Variants in CENPE observed in about 807,000 individuals in gnomAD.
The protein encoded by CENPE is centromere-associated protein E.
In CENPE, 145 loss-of-function variants were observed where a neutral mutation model predicts 336.1. The observed-to-expected ratio is 0.43, with a 90% confidence interval of 0.38 to 0.50. The LOEUF (loss-of-function observed/expected upper bound fraction) is 0.50. Ranked by LOEUF, CENPE falls within the 20% of genes least tolerant of loss-of-function variation. The pLI is 0.00. For synonymous variants in CENPE, 1,013 were observed against 984.8 expected, an observed-to-expected ratio of 1.03 and a Z score of -0.54; for missense variants, 2,719 against 3,023.3, an observed-to-expected ratio of 0.90 and a Z score of 2.36.
At position 103,152,999 on chromosome 4, in the gene CENPE, C is replaced by A. The variant is rs374416536; in HGVS notation, c.3237+48G>T. On this transcript the variant is annotated intron_variant, in intron 25 of 48. Transcript: ENST00000265148. ...CAATAAAGTTGATAAAAATCTGAAA[C>A]AAATGAAGACAAAAAGGTAATGCCA... 5.7e-5 allele frequency: 77 copies of A among 1,347,530 alleles called. No homozygotes were observed. In the African/African-American group the frequency reaches 9.9e-4, roughly 17 times the overall value. The allele number at this position is 1,347,530 out of a possible 1,614,324, so 83.5% of individuals were successfully genotyped here. A position where few individuals can be genotyped will look rare whatever the true frequency, so the allele number is the denominator to read the frequency against.
chr4:103,153,917 T>G (rs1344589954), intron 24 of CENPE, among the ~76,000 whole-genome samples: 3 of 152,122 alleles, frequency 2.0e-5, no homozygotes, highest in Non-Finnish European at 4.4e-5. Context: ...TTCATAAGGG[T>G]GAAATTCATC....
Position 103,133,621 on chromosome 4 carries a change from G to T in CENPE, c.6720+74C>A. 1 of 954,638 alleles carries T rather than the reference G, an allele frequency of 1.0e-6. No individual in the cohort carries two copies. The highest frequency in any genetic ancestry group is 1.6e-6 in the Non-Finnish European group (1 of 624,992). 59.1% of individuals were successfully genotyped at this position (954,638 alleles called of 1,614,324 possible). On this transcript the variant is annotated intron_variant, in intron 41 of 48. Transcript: ENST00000265148. ...TTCTGGTAAATGAAAATAGCTCTAA[G>T]CACATGAAAAAGTACCTTTCTACTT...
chr4:103,168,625 G>A (rs543196646), intron 16 of CENPE, among the ~76,000 whole-genome samples: 8 of 152,286 alleles, frequency 5.3e-5, no homozygotes, highest in African/African-American at 1.4e-4. Context: ...TTACCCAGCC[G>A]GGGTCCTACC....
chr4:103,147,271 A>C, intron 29 of CENPE, 85 bp downstream of exon 29: 3 of 1,194,614 alleles, frequency 2.5e-6, no homozygotes, highest in East Asian at 4.7e-5. Context: ...CATAATTATA[A>C]TACAAACATT....
chr4:103,128,256 C>T (rs72665056), intron 42 of CENPE, among the ~76,000 whole-genome samples: 27,399 of 151,976 alleles, frequency 0.18, 2,581 homozygotes, highest in Middle Eastern at 0.31. Context: ...AACAAAAACG[C>T]ATTAAAATAC....
At chr4:103,124,738 G>T (rs1750943319) in intron 42 of CENPE, among the ~76,000 whole-genome samples, 1 of 152,110 alleles carries the variant, frequency 6.6e-6, no homozygotes, top group Non-Finnish European at 1.5e-5. Flanking sequence ...CTCTCATCAT[G>T]AATGCCCCAT....
At chr4:103,167,987 G>A (rs1755064861) in intron 16 of CENPE, among the ~76,000 whole-genome samples, 1 of 152,132 alleles carries the variant, frequency 6.6e-6, no homozygotes, top group South Asian at 2.1e-4. Context: ...AGTACTGCTT[G>A]CACAAGGACC....
intron 8 of CENPE, among the ~76,000 whole-genome samples, chr4:103,188,492 T>A (rs537623548): frequency 1.6e-4 from 25 of 152,192 alleles, no homozygotes; most frequent in African/African-American, 5.5e-4. Context: ...AGAAACTCAC[T>A]CAAAACCGCT....
Position 103,144,466 on chromosome 4 carries a change from C to T in CENPE, c.5010G>A (p.Leu1670=). 1 of 1,614,096 alleles carries T rather than the reference C, an allele frequency of 6.2e-7. No homozygotes were observed. The highest frequency in any genetic ancestry group is 1.3e-5 in the African/African-American group (1 of 75,044). Residue 1670 remains leucine (L), a synonymous_variant, in exon 33 of 49, where the codon TTG becomes TTA. Coordinates refer to ENST00000265148, the MANE Select transcript of CENPE (RefSeq NM_001813.3). Reference sequence around the variant, plus strand: ...CAAGGTTTTCATGTAGTATCTGAGTCAACCTTATATTCTCCGTTTCTATGT... The same window carrying T: ...CAAGGTTTTCATGTAGTATCTGAGTTAACCTTATATTCTCCGTTTCTATGT... ...LENIETENIR[L]TQILHENLEE...
intron 34 of CENPE, among the ~76,000 whole-genome samples, chr4:103,142,441 A>C (rs1476577502): frequency 1.3e-5 from 2 of 152,242 alleles, no homozygotes; most frequent in Non-Finnish European, 2.9e-5. Flanking sequence ...AACACAATAC[A>C]TTGAATTGCC....
chr4:103,131,650 T>C (rs1263592244), intron 42 of CENPE, among the ~76,000 whole-genome samples: 2 of 152,206 alleles, frequency 1.3e-5, no homozygotes, highest in African/African-American at 4.8e-5. Context: ...AAAAGATACA[T>C]ATGTATGTTT....
intron 11 of CENPE, 126 bp downstream of exon 11, chr4:103,182,636 G>T: frequency 1.5e-6 from 1 of 686,688 alleles, no homozygotes; most frequent in Non-Finnish European, 2.2e-6. Flanking sequence ...ATGCTATTTA[G>T]TAGACAACAT....
intron 11 of CENPE, among the ~76,000 whole-genome samples, chr4:103,182,223 C>A (rs1756385589): frequency 6.6e-6 from 1 of 152,132 alleles, no homozygotes; most frequent in South Asian, 2.1e-4. Context: ...TCCCCAGTAG[C>A]TGGGATTACA....
chr4:103,191,353 A>T (rs1340089084), intron 8 of CENPE, among the ~76,000 whole-genome samples: 2 of 152,138 alleles, frequency 1.3e-5, no homozygotes. Context: ...GCACACGTAT[A>T]TTTATTGTAG....
chr4:103,141,617 C>T (rs1752567321), intron 35 of CENPE, 133 bp downstream of exon 35: 3 of 596,010 alleles, frequency 5.0e-6, no homozygotes, highest in African/African-American at 3.8e-5. Flanking sequence ...TGTTGGGCCT[C>T]AGGCAGGCTA....
intron 40 of CENPE, 103 bp from the exon 41 acceptor site, chr4:103,133,995 C>T (rs1402869514): frequency 1.4e-6 from 1 of 725,904 alleles, no homozygotes; most frequent in African/African-American, 1.8e-5. Flanking sequence ...CTCTTATTTA[C>T]CTATATCCTC....
In CENPE at chr4:103,108,801, A is replaced by G; in HGVS notation, c.8011+2T>C. 1 of 1,612,130 alleles carries G rather than the reference A, an allele frequency of 6.2e-7. No homozygotes were observed. The highest frequency in any genetic ancestry group is 2.2e-5 in the East Asian group (1 of 44,842). On this transcript the variant is annotated splice_donor_variant, in intron 48 of 48. Coordinates refer to ENST00000265148, the MANE Select transcript of CENPE (RefSeq NM_001813.3). LOFTEE classifies it high-confidence loss of function. Reference sequence around the variant, plus strand: ...TTCCAAGTAACCAGTATATTTACTTACCTGGACAAAGGCCTAAACTTGAGT... The same window carrying G: ...TTCCAAGTAACCAGTATATTTACTTGCCTGGACAAAGGCCTAAACTTGAGT...
At chr4:103,171,163 C>A (rs1755374177) in intron 16 of CENPE, among the ~76,000 whole-genome samples, 1 of 152,072 alleles carries the variant, frequency 6.6e-6, no homozygotes, top group South Asian at 2.1e-4. Context: ...AAACTGCAGT[C>A]TAGACCAAAG....
intron 42 of CENPE, among the ~76,000 whole-genome samples, chr4:103,128,892 C>T (rs1281277296): frequency 1.3e-5 from 2 of 151,884 alleles, no homozygotes; most frequent in African/African-American, 4.8e-5. Context: ...GAAATTGAAA[C>T]AAAATCAATA....
Sources: allele counts gnomAD v4.1 joint callset (sites outside exome capture counted in the v4.1 genomes callset), GRCh38; gene constraint gnomAD v4.1.1; transcripts MANE v1.5; gene names NCBI Gene and HGNC (gene_info 2026-07-23, HGNC 2026-07-21).